The following IGF2BP3 variants were observed in gnomAD, a reference collection of about 807,000 sequenced individuals.
IGF2BP3 encodes insulin like growth factor 2 mRNA binding protein 3.
Under a neutral mutation model 73.8 loss-of-function variants are expected in IGF2BP3, and 9 were observed. The observed-to-expected ratio is 0.12, with a 90% CI of 0.07 to 0.21. The LOEUF is 0.21. Among genes scored for constraint, IGF2BP3 ranks in the 10% least tolerant of loss-of-function variants. The pLI is 1.00. For synonymous variants in IGF2BP3, 258 were observed against 256.7 expected, an observed-to-expected ratio of 1.01 and a Z score of -0.05; for missense variants, 542 against 714.0, an observed-to-expected ratio of 0.76 and a Z score of 2.75.
At chr7:23,357,027 A>T (rs1197667474) in intron 5 of IGF2BP3, among the ~76,000 whole-genome samples, 2 of 152,220 alleles carry the variant, frequency 1.3e-5, no homozygotes, top group African/African-American at 2.4e-5. Context: ...AATGCATGGG[A>T]CAAAGTCTAC....
At chr7:23,362,275 A>G (rs1446219075) in intron 3 of IGF2BP3, among the ~76,000 whole-genome samples, 2 of 137,114 alleles carry the variant, frequency 1.5e-5, no homozygotes, top group African/African-American at 7.3e-5. Flanking sequence ...TAAAAAGAGA[A>G]AAAAAAAACT....
intron 2 of IGF2BP3, among the ~76,000 whole-genome samples, chr7:23,451,732 T>G (rs1218600994): frequency 1.3e-5 from 2 of 152,080 alleles, no homozygotes; most frequent in Non-Finnish European, 2.9e-5. Flanking sequence ...GCAGATCATT[T>G]GAGGTCAGGA....
intron 10 of IGF2BP3, among the ~76,000 whole-genome samples, chr7:23,336,941 C>T (rs1476113260): frequency 6.6e-6 from 1 of 151,014 alleles, no homozygotes. Flanking sequence ...GGGCAAGACT[C>T]TGTCTCCAAA....
rs191696435 is a variant in IGF2BP3 at position 23,349,713 on chromosome 7, C to T, written c.683+1592G>A. 2.4e-3 allele frequency among the ~76,000 whole-genome samples: 367 copies of T among 152,262 alleles called. 1 individual carries two copies. The highest frequency in any genetic ancestry group is 3.4e-3 in the Non-Finnish European group (231 of 68,024). On this transcript the variant is annotated intron_variant, in intron 6 of 14. Coordinates refer to ENST00000258729, the MANE Select transcript of IGF2BP3 (RefSeq NM_006547.3). ...TGGCAGAGCTCTGCAAATGAATCAT[C>T]GGATATAACAAAAATTGCTTCCCTT...
At chr7:23,354,246 G>A (rs571151339) in intron 5 of IGF2BP3, among the ~76,000 whole-genome samples, 3 of 152,284 alleles carry the variant, frequency 2.0e-5, no homozygotes, top group African/African-American at 7.2e-5. Context: ...ACCCACCTCG[G>A]CCTCCCAAAG....
At chr7:23,331,770 G>C (rs531644215) in intron 10 of IGF2BP3, among the ~76,000 whole-genome samples, 1 of 150,952 alleles carries the variant, frequency 6.6e-6, no homozygotes, top group South Asian at 2.1e-4. Context: ...TGAGGCAGGA[G>C]AACTGCTTGA....
chr7:23,426,765 T>C (rs1464588847), intron 2 of IGF2BP3, among the ~76,000 whole-genome samples: 1 of 152,192 alleles, frequency 6.6e-6, no homozygotes, highest in African/African-American at 2.4e-5. Context: ...TGTACTTCCA[T>C]GGGAGTTGTT....
chr7:23,319,271 C>T lies in IGF2BP3; in HGVS notation c.1204-17G>A. ...TTCTGATTGCTGTTAGAAAAGAAAG[C>T]CAGGACACCCATGTTTATTTGCTAC... On this transcript the variant is annotated splice_polypyrimidine_tract_variant and intron_variant, in intron 10 of 14. Transcript: ENST00000258729. 1 of 1,499,554 alleles carries T rather than the reference C, an allele frequency of 6.7e-7. No individual in the cohort carries two copies. The highest frequency in any genetic ancestry group is 9.2e-7 in the Non-Finnish European group (1 of 1,082,232). The allele number at this position is 1,499,554 out of a possible 1,614,324, so 92.9% of individuals were successfully genotyped here. A position where few individuals can be genotyped will look rare whatever the true frequency, so the allele number is the denominator to read the frequency against.
chr7:23,395,654 A>G (rs574659851), intron 3 of IGF2BP3, among the ~76,000 whole-genome samples: 1 of 152,140 alleles, frequency 6.6e-6, no homozygotes, highest in South Asian at 2.1e-4. Context: ...GGCCAGGCAC[A>G]GTGTTTCACG....
At chr7:23,350,617 CACAT>C (rs1784936089) in intron 6 of IGF2BP3, among the ~76,000 whole-genome samples, 1 of 152,248 alleles carries the variant, frequency 6.6e-6, no homozygotes, top group South Asian at 2.1e-4. Flanking sequence ...AAACATAATT[CACAT>C]ACAGTCATTT....
At chr7:23,453,474 A>G (rs1788247127) in intron 2 of IGF2BP3, among the ~76,000 whole-genome samples, 2 of 151,990 alleles carry the variant, frequency 1.3e-5, no homozygotes, top group African/African-American at 4.8e-5. Flanking sequence ...TGTTTTACAG[A>G]CTCCCACCTA....
chr7:23,438,702 C>A (rs1787861330), intron 2 of IGF2BP3, among the ~76,000 whole-genome samples: 1 of 152,134 alleles, frequency 6.6e-6, no homozygotes, highest in Non-Finnish European at 1.5e-5. Flanking sequence ...ATAAAATAAT[C>A]TTTAAAAATT....
intron 2 of IGF2BP3, among the ~76,000 whole-genome samples, chr7:23,435,292 C>CAAAAAAA (rs35846648): frequency 2.1e-5 from 1 of 47,942 alleles, no homozygotes. Context: ...GACTCTGTCT[C>CAAAAAAA]AAAAAAAAAA....
intron 5 of IGF2BP3, among the ~76,000 whole-genome samples, chr7:23,358,686 AAATT>A (rs1195527072): frequency 6.6e-6 from 1 of 152,218 alleles, no homozygotes; most frequent in Non-Finnish European, 1.5e-5. Context: ...CTCTCAAATA[AAATT>A]AATTCTCCTC....
chr7:23,454,741 T>C (rs1788276878), intron 2 of IGF2BP3, among the ~76,000 whole-genome samples: 1 of 152,236 alleles, frequency 6.6e-6, no homozygotes, highest in Admixed American at 6.5e-5. Context: ...TGTGCTGTAC[T>C]GCTGTCCCCA....
Position 23,469,695 on chromosome 7 carries a change from TTTC to T in IGF2BP3, c.175+238_175+240del, listed in dbSNP as rs1304399293. Among the ~76,000 whole-genome samples, 6 of 151,386 alleles carry T rather than the reference TTTC, an allele frequency of 4.0e-5. No homozygotes were observed. The highest frequency in any genetic ancestry group is 6.6e-5 in the Admixed American group (1 of 15,222). Reference sequence around the variant, plus strand: ...CGCCCCCCTTAGCCAGCGCCGGGGCTTTCTTGACAGCGCGTTCGCCCTCACCCA... The same window carrying T: ...CGCCCCCCTTAGCCAGCGCCGGGGCTTTGACAGCGCGTTCGCCCTCACCCA... On this transcript the variant is annotated intron_variant, in intron 1 of 14. Coordinates refer to ENST00000258729, the MANE Select transcript of IGF2BP3 (RefSeq NM_006547.3). This position sits in a 1 kb window ranked among gnomAD's most constrained non-coding sequence, Gnocchi z 6.1.
intron 10 of IGF2BP3, among the ~76,000 whole-genome samples, chr7:23,332,211 C>T (rs1784462946): frequency 6.6e-6 from 1 of 152,168 alleles, no homozygotes; most frequent in Non-Finnish European, 1.5e-5. Flanking sequence ...TCTATTGTCT[C>T]TTCCTTTATA....
chr7:23,397,495 C>A (rs991768656), intron 3 of IGF2BP3, among the ~76,000 whole-genome samples: 2 of 152,172 alleles, frequency 1.3e-5, no homozygotes, highest in Admixed American at 6.5e-5. Flanking sequence ...GGCCTTATAC[C>A]AACACATGCC....
chr7:23,416,964 G>A (rs987750461), intron 3 of IGF2BP3, among the ~76,000 whole-genome samples: 2 of 152,150 alleles, frequency 1.3e-5, no homozygotes, highest in African/African-American at 4.8e-5. Context: ...GCTGAGGCAG[G>A]AGAATCATTT....
Sources: gnomAD v4.1 joint callset for allele counts (sites outside exome capture counted in the v4.1 genomes callset) on GRCh38, gnomAD v4.1.1 for gene constraint, Gnocchi (gnomAD v3.1) non-coding constraint, MANE v1.5 for transcripts, NCBI Gene and HGNC (gene_info 2026-07-23, HGNC 2026-07-21) for gene names.